SREBF2: variants seen among roughly 807,000 people sequenced by gnomAD.
SREBF2 encodes sterol regulatory element binding transcription factor 2, also known as sterol regulatory element-binding protein 2.
In SREBF2, 55 loss-of-function variants were observed where a neutral mutation model predicts 113.1. The observed-to-expected ratio is 0.49, with a 90% CI of 0.39 to 0.61. The LOEUF (loss-of-function observed/expected upper bound fraction) is 0.61, where lower values mean the gene tolerates loss of function less well. Ranked by LOEUF, SREBF2 falls within the 20% of genes least tolerant of loss-of-function variation. The pLI, the probability that SREBF2 is intolerant of heterozygous loss-of-function variation, is 0.00. For synonymous variants in SREBF2, 593 were observed against 605.7 expected (o/e 0.98, Z 0.31); for missense variants, 1,349 against 1,487.4 (o/e 0.91, Z 1.53).
Position 41,906,075 on chromosome 22 carries a change from G to T in SREBF2, c.*415G>T, listed in dbSNP as rs563096286. The stretch of plus-strand genomic sequence containing the variant: ...CCAGGGAGCAGTTGCCCTCAGGCCT[G>T]TGCCCAGCATGCCCTCCCCTTTTTA... On this transcript the variant is annotated 3_prime_UTR_variant, in exon 19 of 19. Transcript: ENST00000361204. The T allele has an allele frequency of 2.2e-6, 1 of 458,224 alleles. No homozygotes were observed. Among genetic ancestry groups the T allele is most frequent in the African/African-American group, 2.0e-5 (1 of 50,348 alleles). 28.4% of individuals were successfully genotyped at this position (458,224 alleles called of 1,614,324 possible).
At chr22:41,896,117 G>A (rs372801182) in intron 13 of SREBF2, among the ~76,000 whole-genome samples, 1 of 151,516 alleles carries the variant, frequency 6.6e-6, no homozygotes, top group Non-Finnish European at 1.5e-5. Flanking sequence ...CTCCAGCCTG[G>A]GTGACAGAGC....
At chr22:41,904,644 C>CT in intron 17 of SREBF2, 1 of 703,336 alleles carries the variant, frequency 1.4e-6, no homozygotes, top group Non-Finnish European at 2.7e-6. Flanking sequence ...TTTTGCCTCT[C>CT]TCTCCTCTCA....
chr22:41,864,261 T>TATACACACACACAC (rs1204150898), intron 1 of SREBF2, among the ~76,000 whole-genome samples: 8 of 51,004 alleles, frequency 1.6e-4, no homozygotes, highest in Admixed American at 3.3e-4. Context: ...TATATATATA[T>TATACACACACACAC]ACACACACAC....
chr22:41,888,006 A>C (rs2148405278), intron 11 of SREBF2, among the ~76,000 whole-genome samples: 1 of 152,270 alleles, frequency 6.6e-6, no homozygotes. Context: ...CTGTCGTCTC[A>C]TTGATTAGAG....
At chr22:41,899,987 C>A (rs554438287) in intron 15 of SREBF2, 1 of 1,221,618 alleles carries the variant, frequency 8.2e-7, no homozygotes, top group Admixed American at 3.5e-5. Context: ...CCTTAAAGAA[C>A]GGGTACAACA....
intron 11 of SREBF2, among the ~76,000 whole-genome samples, chr22:41,892,579 C>T (rs867820823): frequency 1.5e-4 from 21 of 140,686 alleles, no homozygotes; most frequent in African/African-American, 5.5e-4. Flanking sequence ...ACCCGGGAGG[C>T]AGAGCTTGCA....
chr22:41,843,536 G>A lies in SREBF2; in HGVS notation c.88+10178G>A, dbSNP rs144808578. Among the ~76,000 whole-genome samples the A allele has an allele frequency of 1.6e-4, 24 of 152,314 alleles. No individual in the cohort carries two copies. In the East Asian group the frequency reaches 2.1e-3, roughly 13 times the overall value. ...GTGAAGAAACTGAGGCATAGATCAC[G>A]TAGCTTGTAAGTGATGGAACAGTGG... On this transcript the variant is annotated intron_variant, in intron 1 of 18. Coordinates refer to ENST00000361204, the MANE Select transcript of SREBF2 (RefSeq NM_004599.4).
chr22:41,849,132 A>G (rs2076904266), intron 1 of SREBF2, among the ~76,000 whole-genome samples: 1 of 152,176 alleles, frequency 6.6e-6, no homozygotes, highest in African/African-American at 2.4e-5. Flanking sequence ...CTCTTGTACC[A>G]TGTATCCCTT....
rs765689357 is a variant in SREBF2, at chr22:41,884,915, AGAG to A, written c.2116_2118del (p.Glu706del). 1.9e-6 allele frequency: 3 copies of A among 1,614,198 alleles called. No individual in the cohort carries two copies. Among genetic ancestry groups the A allele is most frequent in the South Asian group, 1.1e-5 (1 of 91,078 alleles). On this transcript the variant is annotated inframe_deletion, in exon 11 of 19. Coordinates refer to ENST00000361204, the MANE Select transcript of SREBF2 (RefSeq NM_004599.4). ...GTGCCGTGAACCTGGCTGAATGTGCAGAGGAGAAGATCCCACCGAGCACACTGG... is the reference window on the plus strand; with the variant it reads ...GTGCCGTGAACCTGGCTGAATGTGCAGAGAAGATCCCACCGAGCACACTGG...
At position 41,893,028 on chromosome 22, in the gene SREBF2, C is replaced by T. The variant is rs1453332909; in HGVS notation, c.2209-89C>T. On this transcript the variant is annotated intron_variant, in intron 11 of 18. Transcript: ENST00000361204. ...CTTTCCCAGTCTCCCCCAAAGCCCA[C>T]CTCCACCATGGTGCTTTCTGCACCC... 2.0e-6 allele frequency: 3 copies of T among 1,510,346 alleles called. No individual in the cohort carries two copies. In the Admixed American group the frequency reaches 5.0e-5, roughly 25 times the overall value. 93.6% of individuals were successfully genotyped at this position (1,510,346 alleles called of 1,614,324 possible).
chr22:41,907,141 C>G lies in SREBF2; in HGVS notation c.*1481C>G, dbSNP rs976060855. On this transcript the variant is annotated 3_prime_UTR_variant, in exon 19 of 19. Coordinates refer to ENST00000361204, the MANE Select transcript of SREBF2 (RefSeq NM_004599.4). ...CACTGTAATTTATGGACCCTGCCCG[C>G]CTGCGTGTTGTGTGTATGTCCTGTG... 6.6e-6 allele frequency: 1 copy of G among 152,242 alleles called. No homozygotes were observed. The highest frequency in any genetic ancestry group is 1.5e-5 in the Non-Finnish European group (1 of 68,102). The allele number at this position is 152,242 out of a possible 1,614,324, so 9.4% of individuals were successfully genotyped here. A position where few individuals can be genotyped will look rare whatever the true frequency, so the allele number is the denominator to read the frequency against.
At chr22:41,898,172 A>G (rs12166430) in intron 14 of SREBF2, among the ~76,000 whole-genome samples, 23,339 of 152,050 alleles carry the variant, frequency 0.15, 2,425 homozygotes, top group African/African-American at 0.3. Context: ...GTGCAATGGC[A>G]CGATCTCGGC....
chr22:41,865,646 G>A (rs1443374024), intron 1 of SREBF2, among the ~76,000 whole-genome samples: 1 of 152,276 alleles, frequency 6.6e-6, no homozygotes, highest in Non-Finnish European at 1.5e-5. Context: ...GAGGTCTCCA[G>A]GTGGACAAAT....
At position 41,833,200 on chromosome 22, in the gene SREBF2, G is replaced by A. The variant is rs1393853747; in HGVS notation, c.-71G>A. The A allele has an allele frequency of 2.3e-6, 3 of 1,277,010 alleles. No homozygotes were observed. The highest frequency in any genetic ancestry group is 3.2e-6 in the Non-Finnish European group (3 of 940,338). The allele number at this position is 1,277,010 out of a possible 1,614,324, so 79.1% of individuals were successfully genotyped here. A position where few individuals can be genotyped will look rare whatever the true frequency, so the allele number is the denominator to read the frequency against. On this transcript the variant is annotated 5_prime_UTR_variant, in exon 1 of 19. Transcript: ENST00000361204. The surrounding 1 kb of genome is among the most constrained non-coding windows in gnomAD (Gnocchi z 4.1). ...GCGGGGGTTGTCGGGTGTCATGGGC[G>A]GTGGCGACGGCACCGCCCCCGCGTC...
intron 17 of SREBF2, 120 bp downstream of exon 17, chr22:41,903,275 C>A: frequency 8.0e-7 from 1 of 1,246,814 alleles, no homozygotes; most frequent in Non-Finnish European, 1.1e-6. Context: ...AGCCTGGTGA[C>A]CTGTCGAGCA....
At chr22:41,869,482 T>C (rs2077119144) in intron 3 of SREBF2, among the ~76,000 whole-genome samples, 1 of 128,428 alleles carries the variant, frequency 7.8e-6, no homozygotes, top group Non-Finnish European at 1.6e-5. Flanking sequence ...TATTAATCTT[T>C]TTTTTAATTT....
At chr22:41,884,009 A>C (rs1328323693) in intron 10 of SREBF2, among the ~76,000 whole-genome samples, 1 of 152,156 alleles carries the variant, frequency 6.6e-6, no homozygotes, top group African/African-American at 2.4e-5. Context: ...CACCTCTCAT[A>C]GGGGAGGGTG....
rs760365874 is a variant in SREBF2 at position 41,897,152 on chromosome 22, T to G, written c.2596T>G (p.Ser866Ala). 7 of 1,610,738 alleles carry G rather than the reference T, an allele frequency of 4.3e-6. No homozygotes were observed. Among genetic ancestry groups the G allele is most frequent in the Non-Finnish European group, 5.9e-6 (7 of 1,179,132 alleles). Residue 866 changes from serine to alanine, a missense_variant, in exon 14 of 19, where the codon TCC (serine) becomes GCC (alanine). Coordinates refer to ENST00000361204, the MANE Select transcript of SREBF2 (RefSeq NM_004599.4). ...ACTCTCCAGGAGCTCCGTGCTCAAG[T>G]CCGCCCTGGGTAAGCACCTGCGGGT... Reference protein sequence around the residue: ...PPLSRSSVLKSALGPDIICRW... With the variant: ...PPLSRSSVLKAALGPDIICRW...
chr22:41,840,410 A>AC (rs2076818087), intron 1 of SREBF2, among the ~76,000 whole-genome samples: 1 of 151,144 alleles, frequency 6.6e-6, no homozygotes, highest in Admixed American at 6.7e-5. Flanking sequence ...ACAACCCCTA[A>AC]CCATCACCCT....
Sources: gnomAD v4.1 joint callset for allele counts (sites outside exome capture counted in the v4.1 genomes callset) on GRCh38, gnomAD v4.1.1 for gene constraint, Gnocchi (gnomAD v3.1) non-coding constraint, MANE v1.5 for transcripts, NCBI Gene and HGNC (gene_info 2026-07-23, HGNC 2026-07-21) for gene names.